FAT3: variants seen among roughly 807,000 people sequenced by gnomAD.
FAT3 encodes protocadherin Fat 3.
In FAT3, 95 loss-of-function variants were observed where a neutral mutation model predicts 310.2. The observed-to-expected ratio is 0.31, with a 90% CI of 0.26 to 0.36. The LOEUF is 0.36. FAT3 is among the 10% of genes least tolerant of loss of function. The probability of loss-of-function intolerance (pLI) is 1.00; values close to 1 mark genes in which losing one functional copy is unlikely to be tolerated. For missense variants in FAT3, 5,408 were observed against 5,715.6 expected (o/e 0.95, Z 1.74); for synonymous variants, 2,314 against 2,192.9 (o/e 1.06, Z -1.54).
intron 3 of FAT3, among the ~76,000 whole-genome samples, chr11:92,667,464 G>A (rs955077437): frequency 1.3e-5 from 2 of 152,062 alleles, no homozygotes; most frequent in African/African-American, 4.8e-5. Flanking sequence ...CACCCCTCCC[G>A]TCCAAGGTAA....
intron 3 of FAT3, among the ~76,000 whole-genome samples, chr11:92,639,127 A>C (rs896929498): frequency 6.6e-6 from 1 of 152,268 alleles, no homozygotes; most frequent in East Asian, 1.9e-4. Flanking sequence ...TCCAGACCAA[A>C]TCTTCTCTTG....
intron 4 of FAT3, among the ~76,000 whole-genome samples, chr11:92,711,339 G>A (rs1391007574): frequency 6.6e-6 from 1 of 151,944 alleles, no homozygotes; most frequent in African/African-American, 2.4e-5. Flanking sequence ...TCATTAAATA[G>A]CAATCTAGGG....
intron 1 of FAT3, among the ~76,000 whole-genome samples, chr11:92,243,776 CT>C (rs1864769618): frequency 6.6e-6 from 1 of 151,984 alleles, no homozygotes; most frequent in South Asian, 2.1e-4. Context: ...AAGCCAAGGA[CT>C]TTAGTTTTAG....
chr11:92,296,096 A>G (rs1412219930), intron 1 of FAT3, among the ~76,000 whole-genome samples: 5 of 152,216 alleles, frequency 3.3e-5, no homozygotes, highest in African/African-American at 1.2e-4. Context: ...AACTCAAGGT[A>G]TACAGTTATG....
intron 21 of FAT3, among the ~76,000 whole-genome samples, chr11:92,860,370 A>G (rs1591824053): frequency 6.6e-6 from 1 of 152,154 alleles, no homozygotes; most frequent in Non-Finnish European, 1.5e-5. Flanking sequence ...GTTAATCTCC[A>G]TACTATCCCT....
chr11:92,749,387 G>A (rs1263238582), intron 4 of FAT3, among the ~76,000 whole-genome samples: 1 of 152,114 alleles, frequency 6.6e-6, no homozygotes. Flanking sequence ...AGCCAGCTTG[G>A]AACTAATCTC....
Position 92,476,807 on chromosome 11 carries a change from G to A in FAT3, c.3293-47827G>A, listed in dbSNP as rs79317166. 2.3e-3 allele frequency among the ~76,000 whole-genome samples: 357 copies of A among 152,238 alleles called. 2 individuals carry two copies. Among genetic ancestry groups the A allele is most frequent in the African/African-American group, 7.6e-3 (314 of 41,552 alleles). On this transcript the variant is annotated intron_variant, in intron 2 of 27. Transcript: ENST00000525166. ...ATTAGAGGATCAAGTTGAAGACAGT[G>A]GTACTGAGGAACTAAAAATTAACCA...
At chr11:92,233,963 A>G (rs1319590214) in intron 1 of FAT3, among the ~76,000 whole-genome samples, 4 of 152,198 alleles carry the variant, frequency 2.6e-5, no homozygotes, top group African/African-American at 9.7e-5. Flanking sequence ...ATTTTACCTC[A>G]TATCCAAAGA....
chr11:92,464,950 C>A (rs1339869973), intron 2 of FAT3, among the ~76,000 whole-genome samples: 1 of 152,136 alleles, frequency 6.6e-6, no homozygotes, highest in Non-Finnish European at 1.5e-5. Flanking sequence ...TTTTTGTCTG[C>A]AGATCATAGA....
intron 2 of FAT3, among the ~76,000 whole-genome samples, chr11:92,475,760 C>A (rs930498834): frequency 6.6e-6 from 1 of 152,078 alleles, no homozygotes; most frequent in Non-Finnish European, 1.5e-5. Flanking sequence ...CATTGGTTCA[C>A]ATATTTATGA....
intron 1 of FAT3, among the ~76,000 whole-genome samples, chr11:92,280,928 A>G (rs986346857): frequency 6.6e-6 from 1 of 152,200 alleles, no homozygotes; most frequent in Admixed American, 6.6e-5. Flanking sequence ...CCAACTTCTT[A>G]AAATCTAGGT....
chr11:92,479,199 C>T (rs1245874507), intron 2 of FAT3, among the ~76,000 whole-genome samples: 1 of 146,198 alleles, frequency 6.8e-6, no homozygotes, highest in African/African-American at 2.6e-5. Context: ...TTTGTAGCGA[C>T]AGGATTTTTC....
chr11:92,636,211 C>T (rs1941764049), intron 3 of FAT3, among the ~76,000 whole-genome samples: 2 of 152,192 alleles, frequency 1.3e-5, no homozygotes, highest in South Asian at 2.1e-4. Context: ...GATGCACCCA[C>T]TCTGCCTCCC....
At chr11:92,495,540 C>G (rs117524054) in intron 2 of FAT3, among the ~76,000 whole-genome samples, 1 of 152,032 alleles carries the variant, frequency 6.6e-6, no homozygotes, top group Admixed American at 6.6e-5. Flanking sequence ...AGGAGAGAAG[C>G]AGAAAGCAAC....
rs374952944 is a variant in FAT3, at chr11:92,797,994, G to C, written c.4981G>C (p.Val1661Leu). 1 of 1,613,818 alleles carries C rather than the reference G, an allele frequency of 6.2e-7. No individual in the cohort carries two copies. Among genetic ancestry groups the C allele is most frequent in the Non-Finnish European group, 8.5e-7 (1 of 1,179,846 alleles). ...TGCTACTGCAATTGTGCGCATTTCC[G>C]TCACCATGTCTGACAATTCTCACCC... ...MSATAIVRIS[V>L]TMSDNSHPKF... The change falls in exon 10 of 28, where the codon GTC (valine) becomes CTC (leucine). Residue 1661 changes from valine (V) to leucine (L), a missense_variant. Val to Leu is a conservative substitution (Grantham distance 32). Coordinates refer to ENST00000525166, the MANE Select transcript of FAT3 (RefSeq NM_001367949.2).
At chr11:92,680,428 C>T (rs1801352981) in intron 3 of FAT3, among the ~76,000 whole-genome samples, 1 of 152,130 alleles carries the variant, frequency 6.6e-6, no homozygotes. Flanking sequence ...AAATGTGTGA[C>T]TTTATTTCTG....
chr11:92,835,593 T>C lies in FAT3; in HGVS notation c.10086+509T>C, dbSNP rs144814876. 1.5e-3 allele frequency among the ~76,000 whole-genome samples: 226 copies of C among 152,344 alleles called. 1 individual carries two copies. Among genetic ancestry groups the C allele is most frequent in the African/African-American group, 5.2e-3 (218 of 41,582 alleles). The stretch of plus-strand genomic sequence containing the variant: ...ATGGTTCATGTGTTAATTAGCTTGA[T>C]TTAATTATTCCACATTGTATTCATA... On this transcript the variant is annotated intron_variant, in intron 15 of 27. Transcript: ENST00000525166.
chr11:92,552,541 T>C (rs1442611340), intron 3 of FAT3, among the ~76,000 whole-genome samples: 1 of 152,208 alleles, frequency 6.6e-6, no homozygotes, highest in African/African-American at 2.4e-5. Context: ...TTATTCATTT[T>C]CTGTTGAGAG....
chr11:92,591,062 G>A (rs1939401815), intron 3 of FAT3, among the ~76,000 whole-genome samples: 1 of 152,118 alleles, frequency 6.6e-6, no homozygotes, highest in Non-Finnish European at 1.5e-5. Flanking sequence ...CTAATGGCCT[G>A]GAGGGTTTAT....
Sources: gnomAD v4.1 joint callset for allele counts (sites outside exome capture counted in the v4.1 genomes callset) on GRCh38, gnomAD v4.1.1 for gene constraint, MANE v1.5 for transcripts, NCBI Gene and HGNC (gene_info 2026-07-23, HGNC 2026-07-21) for gene names.